PLEKHG1: variants seen among roughly 807,000 people sequenced by gnomAD.
PLEKHG1 encodes the protein pleckstrin homology domain-containing family G member 1.
Under a neutral mutation model 100.8 loss-of-function variants are expected in PLEKHG1, and 44 were observed. The observed-to-expected ratio is 0.44, with a 90% CI of 0.34 to 0.56. PLEKHG1 has a LOEUF of 0.56. PLEKHG1 is among the 20% of genes least tolerant of loss of function. The pLI is 0.01. For missense variants in PLEKHG1, 1,545 were observed against 1,720.9 expected (o/e 0.90, Z 1.81); for synonymous variants, 640 against 662.5 (o/e 0.97, Z 0.52).
intron 2 of PLEKHG1, among the ~76,000 whole-genome samples, chr6:150,762,348 C>G (rs977212047): frequency 7.1e-6 from 1 of 140,144 alleles, no homozygotes; most frequent in African/African-American, 3.0e-5. Context: ...CGCCACCAAG[C>G]CCGGCTAATT....
At chr6:150,676,192 G>A (rs1247718252) in intron 3 of PLEKHG1, among the ~76,000 whole-genome samples, 2 of 152,146 alleles carry the variant, frequency 1.3e-5, no homozygotes, top group Non-Finnish European at 2.9e-5. Context: ...AACAAAATGG[G>A]AAAATATGCA....
intron 3 of PLEKHG1, among the ~76,000 whole-genome samples, chr6:150,775,966 A>G (rs1213285925): frequency 2.6e-5 from 4 of 152,144 alleles, no homozygotes; most frequent in Non-Finnish European, 5.9e-5. Flanking sequence ...TTAAAATGCC[A>G]GCTGATTAGG....
At chr6:150,609,908 A>G (rs1252582784) in intron 1 of PLEKHG1, among the ~76,000 whole-genome samples, 1 of 152,186 alleles carries the variant, frequency 6.6e-6, no homozygotes, top group Non-Finnish European at 1.5e-5. Context: ...CCACCTGTTC[A>G]CGGTCGCCGT....
chr6:150,651,421 A>G (rs1456949896), intron 3 of PLEKHG1, among the ~76,000 whole-genome samples: 1 of 152,056 alleles, frequency 6.6e-6, no homozygotes. Flanking sequence ...TTTAGTAGAG[A>G]TGGGGTTTCA....
intron 2 of PLEKHG1, among the ~76,000 whole-genome samples, chr6:150,754,083 C>T (rs1413170863): frequency 6.6e-6 from 1 of 152,180 alleles, no homozygotes; most frequent in Non-Finnish European, 1.5e-5. Flanking sequence ...GATGATGACC[C>T]TGTGCTTAAA....
At chr6:150,740,449 G>A (rs1782794332) in intron 2 of PLEKHG1, among the ~76,000 whole-genome samples, 1 of 152,222 alleles carries the variant, frequency 6.6e-6, no homozygotes, top group African/African-American at 2.4e-5. Context: ...GTTGAGAAGA[G>A]GGGAATTGTC....
chr6:150,830,714 G>C (rs761187419), exon 15 of PLEKHG1: 2 of 1,614,158 alleles, frequency 1.2e-6, no homozygotes, highest in Non-Finnish European at 1.7e-6. Flanking sequence ...CATCTGGACC[G>C]ATCACCAGAT....
chr6:150,645,085 C>T (rs1036271927), intron 2 of PLEKHG1, among the ~76,000 whole-genome samples: 4 of 152,030 alleles, frequency 2.6e-5, no homozygotes, highest in Admixed American at 1.3e-4. Context: ...TATATTGCTA[C>T]AAAATCATAG....
chr6:150,823,872 C>A (rs1776442273), intron 14 of PLEKHG1, among the ~76,000 whole-genome samples, 196 bp downstream of exon 15: 3 of 152,212 alleles, frequency 2.0e-5, no homozygotes, highest in Middle Eastern at 3.2e-3. Context: ...AACTTCTTCC[C>A]TTTCCCCAGC....
chr6:150,764,123 CT>C (rs386408930), intron 2 of PLEKHG1, among the ~76,000 whole-genome samples: 41 of 146,166 alleles, frequency 2.8e-4, no homozygotes, highest in Non-Finnish European at 2.7e-4. Context: ...TTTTCTTTTT[CT>C]TTTTTTTTTT....
intron 3 of PLEKHG1, among the ~76,000 whole-genome samples, chr6:150,706,990 T>C (rs1781041225): frequency 7.5e-6 from 1 of 133,470 alleles, no homozygotes; most frequent in African/African-American, 2.7e-5. Flanking sequence ...TCTTTTCTTT[T>C]TCTTTTTCTT....
At chr6:150,795,973 C>T (rs1171649088) in intron 5 of PLEKHG1, 71 bp downstream of exon 6, 4 of 959,088 alleles carry the variant, frequency 4.2e-6, no homozygotes, top group Non-Finnish European at 6.8e-6. Context: ...TGGTGCAGTA[C>T]ACATGGTTGT....
intron 4 of PLEKHG1, 131 bp downstream of exon 5, chr6:150,786,590 GTTTGAGT>G: frequency 1.6e-6 from 1 of 628,840 alleles, no homozygotes; most frequent in Non-Finnish European, 2.8e-6. Flanking sequence ...TGGTTTCTTT[GTTTGAGT>G]AGCAAAAATG....
chr6:150,687,550 T>C (rs1780181878), intron 3 of PLEKHG1, among the ~76,000 whole-genome samples: 1 of 152,236 alleles, frequency 6.6e-6, no homozygotes, highest in Non-Finnish European at 1.5e-5. Context: ...TAGAATGAAA[T>C]ACTTTGGAAA....
chr6:150,754,669 C>CTTTT (rs1203495060), intron 2 of PLEKHG1, among the ~76,000 whole-genome samples: 1 of 134,924 alleles, frequency 7.4e-6, no homozygotes. Context: ...GACTTTCTTT[C>CTTTT]TTTTTTTTTT....
At chr6:150,822,496 G>C (rs920413259) in intron 13 of PLEKHG1, among the ~76,000 whole-genome samples, 4 of 152,218 alleles carry the variant, frequency 2.6e-5, no homozygotes, top group Non-Finnish European at 5.9e-5. Context: ...GTTCTTTGCA[G>C]TATTTGTAGC....
chr6:150,693,035 T>G (rs983744754), intron 3 of PLEKHG1, among the ~76,000 whole-genome samples: 2 of 152,188 alleles, frequency 1.3e-5, no homozygotes, highest in African/African-American at 4.8e-5. Flanking sequence ...ATTTAATATG[T>G]AGACCTCAGG....
At position 150,795,839 on chromosome 6, in the gene PLEKHG1, CTT is replaced by C. The variant is rs771277440; in HGVS notation, c.583-14_583-13del. The C allele has an allele frequency of 7.1e-6, 11 of 1,553,814 alleles. No individual in the cohort carries two copies. The South Asian group carries it at 1.2e-4, about 18-fold the overall frequency. ...TGTGCTTTGTTGCCTATAAAAATTT[CTT>C]TTGTTTCCTTGCAGAGTGAAGAGTT... On this transcript the variant is annotated splice_polypyrimidine_tract_variant and intron_variant, in intron 4 of 15. Transcript: ENST00000358517.
At chr6:150,821,165 C>A in intron 12 of PLEKHG1, 30 bp from the exon 14 acceptor site, 3 of 1,602,466 alleles carry the variant, frequency 1.9e-6, no homozygotes, top group Non-Finnish European at 2.6e-6. Flanking sequence ...TTGGTTTTGC[C>A]AATGATGCTG....
Sources: gnomAD v4.1 joint callset for allele counts (sites outside exome capture counted in the v4.1 genomes callset) on GRCh38, gnomAD v4.1.1 for gene constraint, MANE v1.5 for transcripts, NCBI Gene and HGNC (gene_info 2026-07-23, HGNC 2026-07-21) for gene names.